The following DPYD variants were observed in gnomAD, a reference collection of about 807,000 sequenced individuals.
The protein encoded by DPYD is dihydropyrimidine dehydrogenase [NADP(+)].
DPYD carries 109 observed loss-of-function variants against 116.2 expected under a neutral mutation model. The ratio of observed to expected loss-of-function variants is 0.94; its 90% CI spans 0.80 to 1.10. The LOEUF is 1.10. DPYD is among the 50% of genes least tolerant of loss of function. The pLI, the probability that DPYD is intolerant of heterozygous loss-of-function variation, is 0.00. For synonymous variants in DPYD, 440 were observed against 432.0 expected, an observed-to-expected ratio of 1.02 and a Z score of -0.23; for missense variants, 1,302 against 1,254.5, an observed-to-expected ratio of 1.04 and a Z score of -0.57.
intron 2 of DPYD, among the ~76,000 whole-genome samples, chr1:97,860,496 G>A (rs370611235): frequency 1.3e-5 from 2 of 152,036 alleles, no homozygotes; most frequent in South Asian, 4.1e-4. Context: ...TATCTATAGT[G>A]GAAACCAACA....
intron 10 of DPYD, among the ~76,000 whole-genome samples, chr1:97,580,881 C>T (rs1426608605): frequency 1.3e-5 from 2 of 152,112 alleles, no homozygotes; most frequent in Non-Finnish European, 2.9e-5. Context: ...TAACCCGCAA[C>T]CTACTCCTTG....
rs1659644982 is a variant in DPYD at position 97,667,813 on chromosome 1, C to T, written c.850+11282G>A. ...CAATATCCAAAAGTCAGAAACCATC[C>T]AATGTCCATTGATTGATTAATGTTA... is the stretch of plus-strand genomic sequence containing the variant. On this transcript the variant is annotated intron_variant, in intron 8 of 22. Transcript: ENST00000370192. Among the ~76,000 whole-genome samples the T allele has an allele frequency of 2.0e-5, 3 of 152,012 alleles. No individual in the cohort carries two copies. The South Asian group carries it at 6.2e-4, about 31-fold the overall frequency.
Position 97,098,472 on chromosome 1 carries a change from G to C in DPYD, c.2766+17C>G, listed in dbSNP as rs749180344. On this transcript the variant is annotated intron_variant, in intron 21 of 22. Coordinates refer to ENST00000370192, the MANE Select transcript of DPYD (RefSeq NM_000110.4). ...CCAGTAAAGTAGGCATACTTATATA[G>C]TTGGCATAATTTTTACCTTGATGGT... is the stretch of plus-strand genomic sequence containing the variant. 1.2e-6 allele frequency: 2 copies of C among 1,610,742 alleles called. No homozygotes were observed. The highest frequency in any genetic ancestry group is 1.7e-6 in the Non-Finnish European group (2 of 1,177,788).
At position 97,595,113 on chromosome 1, in the gene DPYD, C is replaced by G; in HGVS notation, c.904G>C (p.Gly302Arg). The G allele has an allele frequency of 6.2e-7, 1 of 1,613,656 alleles. No homozygotes were observed. The highest frequency in any genetic ancestry group is 8.5e-7 in the Non-Finnish European group (1 of 1,179,696). The change falls in exon 9 of 23, where the codon GGG becomes CGG. Residue 302 changes from glycine (G) to arginine (R), a missense_variant. Gly to Arg is a moderately radical substitution (Grantham distance 125, BLOSUM62 -2). Transcript: ENST00000370192. ...AAAAAGTCTTTGGATGTATAAAACC[C>G]CTGGTCCTGCGTCAGGCCTTGGAAG... The part of the protein sequence containing the change: ...AIFQGLTQDQ[G>R]FYTSKDFLPL...
intron 13 of DPYD, among the ~76,000 whole-genome samples, chr1:97,515,183 C>T (rs540341690): frequency 4.6e-5 from 7 of 151,996 alleles, no homozygotes; most frequent in East Asian, 3.9e-4. Flanking sequence ...AACTTTAATA[C>T]GTAGTTTATT....
chr1:97,443,440 A>T (rs765330415), intron 14 of DPYD, among the ~76,000 whole-genome samples: 11 of 152,192 alleles, frequency 7.2e-5, no homozygotes, highest in Non-Finnish European at 1.5e-4. Flanking sequence ...GGGATACACT[A>T]GTCTTCCCTT....
At chr1:97,798,975 C>A (rs1390162988) in intron 3 of DPYD, among the ~76,000 whole-genome samples, 3 of 151,976 alleles carry the variant, frequency 2.0e-5, no homozygotes, top group Non-Finnish European at 2.9e-5. Flanking sequence ...AATTATGGAA[C>A]CTTTCTGAAT....
chr1:97,228,106 C>A (rs1030982410), intron 19 of DPYD, among the ~76,000 whole-genome samples: 2 of 150,520 alleles, frequency 1.3e-5, no homozygotes, highest in African/African-American at 4.9e-5. Context: ...TGTCTCTGCT[C>A]ACAAGAATGT....
At position 97,368,345 on chromosome 1, in the gene DPYD, A is replaced by G. The variant is rs182581793; in HGVS notation, c.2058+5216T>C. Among the ~76,000 whole-genome samples, 113 of 152,256 alleles carry G rather than the reference A, an allele frequency of 7.4e-4. 2 individuals are homozygous for G. The East Asian group carries it at 0.02, about 27-fold the overall frequency. ...CCTGTATATAAGGGAGATGAATTGG[A>G]AAATCTTTAAGGTTCTTCTCAGTCA... is the stretch of plus-strand genomic sequence containing the variant. On this transcript the variant is annotated intron_variant, in intron 16 of 22. Transcript: ENST00000370192.
intron 12 of DPYD, among the ~76,000 whole-genome samples, chr1:97,540,656 A>G (rs1038861941): frequency 6.6e-6 from 1 of 152,172 alleles, no homozygotes; most frequent in Non-Finnish European, 1.5e-5. Flanking sequence ...AGTTCATTAC[A>G]TAGGCATGAT....
intron 13 of DPYD, among the ~76,000 whole-genome samples, chr1:97,478,737 A>C (rs1678133489): frequency 1.3e-5 from 2 of 152,314 alleles, no homozygotes; most frequent in African/African-American, 4.8e-5. Flanking sequence ...TAGCTGTAAA[A>C]GTCCTAGATG....
rs761254577 is a variant in DPYD, at chr1:97,740,425, A to G, written c.288T>C (p.Asp96=). Residue 96 remains aspartate, a synonymous_variant, in exon 4 of 23, where the codon GAT becomes GAC. Transcript: ENST00000370192. ...PCQKSCPTNL[D]IKSFITSIAN... is the part of the protein sequence containing the mutation. ...CAATACTTGTGATGAATGATTTAAT[A>G]TCAAGATTAGTTGGACAGCTCTTCT... 2 of 1,613,196 alleles carry G rather than the reference A, an allele frequency of 1.2e-6. No individual in the cohort carries two copies. Among genetic ancestry groups the G allele is most frequent in the South Asian group, 1.1e-5 (1 of 91,070 alleles).
chr1:97,176,046 T>C (rs1421119559), intron 20 of DPYD, among the ~76,000 whole-genome samples: 4 of 152,216 alleles, frequency 2.6e-5, no homozygotes, highest in Non-Finnish European at 5.9e-5. Flanking sequence ...TATTGGAGTG[T>C]TACTGAACAA....
intron 19 of DPYD, among the ~76,000 whole-genome samples, chr1:97,199,646 A>T (rs1240083145): frequency 2.0e-5 from 3 of 151,956 alleles, no homozygotes; most frequent in Admixed American, 2.0e-4. Context: ...AAAAAAAAAA[A>T]GCTTTGGTTT....
Position 97,453,435 on chromosome 1 carries a change from T to G in DPYD, c.1741-3212A>C, listed in dbSNP as rs533637626. On this transcript the variant is annotated intron_variant, in intron 13 of 22. Transcript: ENST00000370192. ...CACATCTTAACAGTATACATAGGAA[T>G]TTTTAAAATATCATAGAATATAAAA... is the stretch of plus-strand genomic sequence containing the variant. Among the ~76,000 whole-genome samples, 5 of 152,220 alleles carry G rather than the reference T, an allele frequency of 3.3e-5. No individual in the cohort carries two copies. The South Asian group carries it at 1.0e-3, about 32-fold the overall frequency.
Position 97,843,821 on chromosome 1 carries a change from C to A in DPYD, c.151-15625G>T, listed in dbSNP as rs556304620. 2.7e-5 allele frequency among the ~76,000 whole-genome samples: 4 copies of A among 150,392 alleles called. No individual in the cohort carries two copies. In the South Asian group the frequency reaches 8.6e-4, roughly 32 times the overall value. On this transcript the variant is annotated intron_variant, in intron 2 of 22. Coordinates refer to ENST00000370192, the MANE Select transcript of DPYD (RefSeq NM_000110.4). Reference sequence around the variant, plus strand: ...TTATTCTAAATATTCTAGGCATCTGCCCTCATAAGCTTACATTTTAATGAA... The same window carrying A: ...TTATTCTAAATATTCTAGGCATCTGACCTCATAAGCTTACATTTTAATGAA...
intron 2 of DPYD, among the ~76,000 whole-genome samples, chr1:97,870,030 A>G (rs1671579544): frequency 2.6e-5 from 4 of 151,904 alleles, no homozygotes; most frequent in Admixed American, 2.6e-4. Context: ...TTACACATAA[A>G]TGTAGTATAT....
At chr1:97,213,679 A>C (rs1660190742) in intron 19 of DPYD, among the ~76,000 whole-genome samples, 1 of 152,220 alleles carries the variant, frequency 6.6e-6, no homozygotes. Flanking sequence ...GTACCTGTCC[A>C]TGGGGATAAA....
At chr1:97,201,542 A>G (rs1427029741) in intron 19 of DPYD, among the ~76,000 whole-genome samples, 1 of 152,210 alleles carries the variant, frequency 6.6e-6, no homozygotes, top group Admixed American at 6.5e-5. Flanking sequence ...ATTCATGAAT[A>G]AAACACCAAA....
Sources: gnomAD v4.1 joint callset for allele counts (sites outside exome capture counted in the v4.1 genomes callset) on GRCh38, gnomAD v4.1.1 for gene constraint, MANE v1.5 for transcripts, NCBI Gene and HGNC (gene_info 2026-07-23, HGNC 2026-07-21) for gene names.